FGFR1: variants seen among roughly 807,000 people sequenced by gnomAD.
The protein encoded by FGFR1 is fibroblast growth factor receptor 1, also known as FGFR1/PLAG1 fusion.
In FGFR1, 18 loss-of-function variants were observed where a neutral mutation model predicts 93.7. The observed-to-expected ratio is 0.19, with a 90% CI of 0.13 to 0.28. FGFR1 has a LOEUF of 0.28. Among genes scored for constraint, FGFR1 ranks in the 10% least tolerant of loss-of-function variants. The pLI, the probability that FGFR1 is intolerant of heterozygous loss-of-function variation, is 1.00. For missense variants in FGFR1, 731 were observed against 1,080.4 expected (o/e 0.68, Z 4.53); for synonymous variants, 448 against 429.3 (o/e 1.04, Z -0.54).
chr8:38,431,226 T>C (rs577548823), intron 2 of FGFR1, among the ~76,000 whole-genome samples: 1 of 152,248 alleles, frequency 6.6e-6, no homozygotes, highest in East Asian at 1.9e-4. Context: ...TTTTTTTCTG[T>C]CCAGCTCTCA....
At chr8:38,423,176 C>A (rs1819430781) in intron 7 of FGFR1, 1 of 778,966 alleles carries the variant, frequency 1.3e-6, no homozygotes, top group African/African-American at 1.7e-5. Context: ...TCCCCGAATG[C>A]TGGAACAAAC....
At chr8:38,467,318 C>T (rs1835778240) in intron 1 of FGFR1, among the ~76,000 whole-genome samples, 1 of 152,016 alleles carries the variant, frequency 6.6e-6, no homozygotes, top group South Asian at 2.1e-4. Flanking sequence ...GCAGATTCAG[C>T]CATTTGGTGA....
At chr8:38,453,417 T>G (rs938234148) in intron 2 of FGFR1, among the ~76,000 whole-genome samples, 10 of 152,232 alleles carry the variant, frequency 6.6e-5, no homozygotes, top group South Asian at 6.2e-4. Context: ...AATGACCTTA[T>G]GAGCACACAT....
Position 38,414,133 on chromosome 8 carries a change from G to A in FGFR1, c.2186+19C>T, listed in dbSNP as rs776791517. 8.7e-6 allele frequency: 14 copies of A among 1,614,156 alleles called. No individual in the cohort carries two copies. In the East Asian group the frequency reaches 1.6e-4, roughly 18 times the overall value. On this transcript the variant is annotated intron_variant, in intron 16 of 17. Transcript: ENST00000447712. ...CCCCAAGGCCTGGCTCAGGGCCTCC[G>A]ACATCTCCTCGGGCTTACAGCTCGT...
At chr8:38,444,162 T>C (rs1182652677) in intron 2 of FGFR1, among the ~76,000 whole-genome samples, 1 of 151,914 alleles carries the variant, frequency 6.6e-6, no homozygotes, top group Non-Finnish European at 1.5e-5. Flanking sequence ...CTTTGTTGGT[T>C]CCAAAAATCT....
At chr8:38,463,236 G>T (rs1834820169) in intron 1 of FGFR1, 1 of 171,850 alleles carries the variant, frequency 5.8e-6, no homozygotes, top group Admixed American at 6.4e-5. Context: ...GGGCGCCACA[G>T]CTCGAAGCAA....
At chr8:38,436,369 TCAA>T (rs974062215) in intron 2 of FGFR1, among the ~76,000 whole-genome samples, 7 of 151,994 alleles carry the variant, frequency 4.6e-5, no homozygotes, top group South Asian at 2.1e-4. Context: ...AGACACTGTC[TCAA>T]CAACAACAAA....
chr8:38,415,145 G>A (rs373391289), intron 13 of FGFR1, among the ~76,000 whole-genome samples: 2 of 152,116 alleles, frequency 1.3e-5, no homozygotes, highest in African/African-American at 2.4e-5. Flanking sequence ...CGTCTGCAGC[G>A]ATGCATGCTC....
chr8:38,429,584 T>C lies in FGFR1; in HGVS notation c.358+98A>G. 7.6e-7 allele frequency: 1 copy of C among 1,310,086 alleles called. No homozygotes were observed. The highest frequency in any genetic ancestry group is 1.4e-5 in the South Asian group (1 of 73,802). 81.2% of individuals were successfully genotyped at this position (1,310,086 alleles called of 1,614,324 possible). ...GTTTCTGAAGCAGAGTGGGGGCAGA[T>C]CACGGAGGGGGAGGAGGTTCACCTT... On this transcript the variant is annotated intron_variant, in intron 3 of 17. Transcript: ENST00000447712. This position sits in a 1 kb window ranked among gnomAD's most constrained non-coding sequence, Gnocchi z 4.4.
intron 2 of FGFR1, among the ~76,000 whole-genome samples, chr8:38,432,908 G>GC (rs752109045): frequency 0.15 from 6,974 of 47,320 alleles, 450 homozygotes; most frequent in Middle Eastern, 0.33. Flanking sequence ...TCCCCACCGC[G>GC]CCCCCCCCCC....
At position 38,424,487 on chromosome 8, in the gene FGFR1, C is replaced by T. The variant is rs202074528; in HGVS notation, c.936+22G>A. 1.2e-3 allele frequency: 1,924 copies of T among 1,613,990 alleles called. 4 individuals carry two copies. The highest frequency in any genetic ancestry group is 3.3e-3 in the South Asian group (302 of 91,066). On this transcript the variant is annotated intron_variant, in intron 7 of 17. Transcript: ENST00000447712. The surrounding 1 kb of genome is among the most constrained non-coding windows in gnomAD (Gnocchi z 4.3). ...GTCTCCTTCCCAGTAGACTGGCCCA[C>T]GAAGACTGGTGCCATGATTACCTTC... is the stretch of plus-strand genomic sequence containing the variant.
In FGFR1 at chr8:38,419,754, G is replaced by C. The variant is rs2150717172; in HGVS notation, c.1082-19C>G. ...TCCAGGGCTGAGTCAGTGCGAACAGGGTGTTAGCAGGCTTGGAGGGCCCCG... is the reference window on the plus strand; with the variant it reads ...TCCAGGGCTGAGTCAGTGCGAACAGCGTGTTAGCAGGCTTGGAGGGCCCCG... On this transcript the variant is annotated intron_variant, in intron 8 of 17. Coordinates refer to ENST00000447712, the MANE Select transcript of FGFR1 (RefSeq NM_023110.3). The C allele has an allele frequency of 6.2e-7, 1 of 1,610,582 alleles. No individual in the cohort carries two copies. Among genetic ancestry groups the C allele is most frequent in the South Asian group, 1.1e-5 (1 of 90,882 alleles).
intron 7 of FGFR1, chr8:38,423,662 TAA>T (rs1209840278): frequency 6.0e-4 from 69 of 115,046 alleles, no homozygotes; most frequent in Middle Eastern, 4.4e-3. Context: ...AGCATTTGAT[TAA>T]AAAAAAAAAA....
intron 2 of FGFR1, among the ~76,000 whole-genome samples, chr8:38,442,011 A>C (rs891167000): frequency 6.6e-5 from 10 of 152,082 alleles, no homozygotes; most frequent in African/African-American, 2.4e-4. Flanking sequence ...CTGACATTTT[A>C]ATAGAAACAT....
chr8:38,463,768 C>A (rs1187899587), intron 1 of FGFR1, among the ~76,000 whole-genome samples: 1 of 152,172 alleles, frequency 6.6e-6, no homozygotes, highest in Admixed American at 6.5e-5. Context: ...CAACTTGGTT[C>A]TTCAGAATTG....
intron 2 of FGFR1, among the ~76,000 whole-genome samples, chr8:38,446,492 T>A (rs781767967): frequency 8.6e-5 from 13 of 151,408 alleles, no homozygotes; most frequent in Non-Finnish European, 1.5e-4. Context: ...ATTACAGGTG[T>A]GACCCACCAC....
At chr8:38,464,894 G>A (rs953503611) in intron 1 of FGFR1, among the ~76,000 whole-genome samples, 11 of 152,188 alleles carry the variant, frequency 7.2e-5, no homozygotes, top group African/African-American at 2.7e-4. Context: ...CTTTGTAGAA[G>A]CCGGCTGCTA....
chr8:38,448,372 C>T (rs765979367), intron 2 of FGFR1, among the ~76,000 whole-genome samples: 13 of 151,318 alleles, frequency 8.6e-5, no homozygotes, highest in South Asian at 6.2e-4. Context: ...TTCCGCCTCG[C>T]GGGTTCAAGT....
chr8:38,435,097 T>C (rs547621506), intron 2 of FGFR1: 125 of 152,382 alleles, frequency 8.2e-4, no homozygotes, highest in Non-Finnish European at 1.5e-3. Flanking sequence ...CTCGAACTCC[T>C]GACCTCAGAT....
Sources: gnomAD v4.1 joint callset for allele counts (sites outside exome capture counted in the v4.1 genomes callset) on GRCh38, gnomAD v4.1.1 for gene constraint, Gnocchi (gnomAD v3.1) non-coding constraint, MANE v1.5 for transcripts, NCBI Gene and HGNC (gene_info 2026-07-23, HGNC 2026-07-21) for gene names.